XPO6: variants seen among roughly 807,000 people sequenced by gnomAD.
The protein encoded by XPO6 is exportin 6.
Under a neutral mutation model 130.0 loss-of-function variants are expected in XPO6, and 3 were observed. The observed-to-expected ratio is 0.02, with a 90% CI of 0.01 to 0.06. The LOEUF is 0.06. Among genes scored for constraint, XPO6 ranks in the 10% least tolerant of loss-of-function variants. XPO6 has a pLI of 1.00. For synonymous variants in XPO6, 524 were observed against 548.9 expected (o/e 0.95, Z 0.63); for missense variants, 970 against 1,393.0 (o/e 0.70, Z 4.83).
chr16:28,136,509 C>T (rs245736), intron 9 of XPO6, among the ~76,000 whole-genome samples: 8,212 of 152,254 alleles, frequency 0.054, 570 homozygotes, highest in East Asian at 0.17. Context: ...CGTGATCCCG[C>T]GCCCAGCACC....
chr16:28,183,882 G>T (rs990686814), intron 1 of XPO6, among the ~76,000 whole-genome samples: 1 of 152,128 alleles, frequency 6.6e-6, no homozygotes, highest in African/African-American at 2.4e-5. Flanking sequence ...GAAAAATCAG[G>T]AGGCCAAGAA....
At chr16:28,099,645 A>G (rs1241471143) in intron 23 of XPO6, among the ~76,000 whole-genome samples, 1 of 152,132 alleles carries the variant, frequency 6.6e-6, no homozygotes, top group African/African-American at 2.4e-5. Flanking sequence ...CAGGACCCAC[A>G]CTTCAGAGGC....
At chr16:28,184,775 G>C (rs919472496) in intron 1 of XPO6, among the ~76,000 whole-genome samples, 1 of 152,118 alleles carries the variant, frequency 6.6e-6, no homozygotes, top group South Asian at 2.1e-4. Flanking sequence ...AAATTTAAAC[G>C]ACTGACAATA....
intron 12 of XPO6, 144 bp from the exon 13 acceptor site, chr16:28,125,992 A>T: frequency 1.0e-6 from 1 of 968,286 alleles, no homozygotes; most frequent in Non-Finnish European, 1.5e-6. Context: ...GCTGCTTCCC[A>T]GTACTGAGCA....
At chr16:28,193,321 G>A (rs571957635) in intron 1 of XPO6, among the ~76,000 whole-genome samples, 65 of 152,054 alleles carry the variant, frequency 4.3e-4, no homozygotes, top group Non-Finnish European at 7.6e-4. Flanking sequence ...GTGTGGGGGC[G>A]CTGCACAAGC....
intron 1 of XPO6, among the ~76,000 whole-genome samples, chr16:28,195,877 G>A (rs940211923): frequency 6.6e-6 from 1 of 152,250 alleles, no homozygotes; most frequent in African/African-American, 2.4e-5. Context: ...CATTTACTAA[G>A]GTCTTATGTA....
In XPO6 at chr16:28,125,843, T is replaced by C. The variant is rs749478982; in HGVS notation, c.1612A>G (p.Arg538Gly). The C allele has an allele frequency of 6.2e-7, 1 of 1,613,514 alleles. No individual in the cohort carries two copies. The highest frequency in any genetic ancestry group is 1.1e-5 in the South Asian group (1 of 91,060). ...TCGTTCTCCGCCGTGATGTTCAACC[T>C]GTGTCCTGGAACACAACACGCCAGA... The part of the protein sequence containing the change: ...QFIVTSGSGH[R>G]LNITAENDCR... Residue 538 changes from arginine (R) to glycine (G), a missense_variant, in exon 13 of 24, where the codon AGG (arginine) becomes GGG (glycine). By Grantham distance (125) the Arg-to-Gly change is moderately radical. Coordinates refer to ENST00000304658, the MANE Select transcript of XPO6 (RefSeq NM_015171.4).
intron 23 of XPO6, among the ~76,000 whole-genome samples, chr16:28,099,137 C>T (rs1033763197): frequency 1.3e-5 from 2 of 152,210 alleles, no homozygotes; most frequent in African/African-American, 4.8e-5. Flanking sequence ...CCTTTACCCA[C>T]GGGGCTCCAG....
chr16:28,142,435 G>A (rs2042911041), intron 9 of XPO6, among the ~76,000 whole-genome samples: 1 of 152,198 alleles, frequency 6.6e-6, no homozygotes, highest in African/African-American at 2.4e-5. Context: ...GCAGCCCACT[G>A]GACTAACACA....
chr16:28,114,670 A>C (rs1010924408), intron 15 of XPO6, among the ~76,000 whole-genome samples: 3 of 152,198 alleles, frequency 2.0e-5, no homozygotes, highest in African/African-American at 7.2e-5. Flanking sequence ...GTGGTTGCTC[A>C]AAGTTGGGGT....
At chr16:28,141,092 C>CAA (rs2042883092) in intron 9 of XPO6, among the ~76,000 whole-genome samples, 1 of 152,240 alleles carries the variant, frequency 6.6e-6, no homozygotes, top group African/African-American at 2.4e-5. Flanking sequence ...ACCACAATGT[C>CAA]ATGTGTAACA....
At chr16:28,109,636 G>A (rs766875178) in intron 17 of XPO6, among the ~76,000 whole-genome samples, 2 of 152,146 alleles carry the variant, frequency 1.3e-5, no homozygotes, top group Non-Finnish European at 2.9e-5. Context: ...AGGCCTGGAC[G>A]CTTCAAAAAT....
chr16:28,156,243 C>G lies in XPO6; in HGVS notation c.928G>C (p.Val310Leu), dbSNP rs371228100. 36 of 1,613,976 alleles carry G rather than the reference C, an allele frequency of 2.2e-5. No individual in the cohort carries two copies. The African/African-American group carries it at 4.4e-4, about 20-fold the overall frequency. Reference protein sequence around the residue: ...VSGQERGRLGVLAMSCINELM... With the variant: ...VSGQERGRLGLLAMSCINELM... ...TCATTGATGCAGGACATGGCCAGGA[C>G]CCCCAGCCGGCCGCGCTCCTGACCC... The change falls in exon 7 of 24, where the codon GTC becomes CTC. Residue 310 changes from valine (V) to leucine (L), a missense_variant. Transcript: ENST00000304658.
In XPO6 at chr16:28,121,865, T is replaced by C. The variant is rs1386354130; in HGVS notation, c.1767-103A>G. 45 of 701,108 alleles carry C rather than the reference T, an allele frequency of 6.4e-5. 1 individual carries two copies. Among genetic ancestry groups the C allele is most frequent in the Admixed American group, 5.9e-4 (25 of 42,472 alleles). The allele number at this position is 701,108 out of a possible 1,614,324, so 43.4% of individuals were successfully genotyped here. The stretch of plus-strand genomic sequence containing the variant: ...GCAAAGAGCGTAAGGGCAGACTTTT[T>C]CATATACAAAAAAGAATCAAGACCA... On this transcript the variant is annotated intron_variant, in intron 13 of 23. Coordinates refer to ENST00000304658, the MANE Select transcript of XPO6 (RefSeq NM_015171.4).
At chr16:28,193,373 G>A (rs1397984205) in intron 1 of XPO6, among the ~76,000 whole-genome samples, 1 of 152,106 alleles carries the variant, frequency 6.6e-6, no homozygotes, top group African/African-American at 2.4e-5. Context: ...ATGGCCAATA[G>A]GTTCTCAATG....
chr16:28,131,864 G>A (rs33037), intron 12 of XPO6, among the ~76,000 whole-genome samples: 8,204 of 152,258 alleles, frequency 0.054, 565 homozygotes, highest in East Asian at 0.17. Context: ...CCTGTAAACA[G>A]CAGCCAAAAG....
chr16:28,203,728 A>G (rs1009909658), intron 1 of XPO6, among the ~76,000 whole-genome samples: 1 of 152,042 alleles, frequency 6.6e-6, no homozygotes, highest in Non-Finnish European at 1.5e-5. Context: ...CTTCTTCCTC[A>G]TCTCTTAACT....
At chr16:28,169,020 G>A (rs1428292303) in intron 5 of XPO6, among the ~76,000 whole-genome samples, 1 of 152,188 alleles carries the variant, frequency 6.6e-6, no homozygotes, top group Non-Finnish European at 1.5e-5. Context: ...CCAAGAAGAA[G>A]CCTGGATAAA....
At chr16:28,194,852 C>G (rs2043834541) in intron 1 of XPO6, among the ~76,000 whole-genome samples, 1 of 151,850 alleles carries the variant, frequency 6.6e-6, no homozygotes, top group Non-Finnish European at 1.5e-5. Context: ...AGCTGACTTA[C>G]TGTCCCCACC....
Sources: gnomAD v4.1 joint callset for allele counts (sites outside exome capture counted in the v4.1 genomes callset) on GRCh38, gnomAD v4.1.1 for gene constraint, MANE v1.5 for transcripts, NCBI Gene and HGNC (gene_info 2026-07-23, HGNC 2026-07-21) for gene names.